STAC: variants seen among roughly 807,000 people sequenced by gnomAD.
STAC encodes SH3 and cysteine rich domain, also known as SH3 and cysteine-rich domain-containing protein.
Under a neutral mutation model 48.8 loss-of-function variants are expected in STAC, and 43 were observed. The observed-to-expected ratio is 0.88, with a 90% CI of 0.69 to 1.14. STAC has a LOEUF of 1.14. STAC is among the 50% of genes most tolerant of loss of function. The pLI, the probability that STAC is intolerant of heterozygous loss-of-function variation, is 0.00. For synonymous variants in STAC, 193 were observed against 179.5 expected, an observed-to-expected ratio of 1.07 and a Z score of -0.60; for missense variants, 497 against 504.0, an observed-to-expected ratio of 0.99 and a Z score of 0.13.
chr3:36,469,097 T>C (rs902261256), intron 2 of STAC, among the ~76,000 whole-genome samples: 8 of 152,300 alleles, frequency 5.3e-5, no homozygotes, highest in African/African-American at 1.9e-4. Flanking sequence ...TCAATGTTGG[T>C]ATTGAGATGT....
intron 8 of STAC, among the ~76,000 whole-genome samples, chr3:36,525,412 AGGGTCAAGTGCTG>A (rs1486479293): frequency 1.3e-5 from 2 of 152,166 alleles, no homozygotes; most frequent in Non-Finnish European, 2.9e-5. Flanking sequence ...TCAGTTAATG[AGGGTCAAGTGCTG>A]GGGACTGTCC....
chr3:36,381,162 A>G (rs1699502836), intron 1 of STAC, among the ~76,000 whole-genome samples: 1 of 152,146 alleles, frequency 6.6e-6, no homozygotes, highest in Non-Finnish European at 1.5e-5. Context: ...AAAAGCATGT[A>G]TGTATCCCAA....
At chr3:36,478,609 C>A (rs1484385971) in intron 2 of STAC, among the ~76,000 whole-genome samples, 1 of 152,136 alleles carries the variant, frequency 6.6e-6, no homozygotes, top group Non-Finnish European at 1.5e-5. Context: ...ATTCTCATGC[C>A]TCAGTCTCCC....
chr3:36,472,986 G>A (rs1300508911), intron 2 of STAC, among the ~76,000 whole-genome samples: 1 of 152,176 alleles, frequency 6.6e-6, no homozygotes, highest in Non-Finnish European at 1.5e-5. Context: ...TCATGCTGCT[G>A]ATAAAGACAT....
At chr3:36,515,376 T>A (rs975386399) in intron 8 of STAC, among the ~76,000 whole-genome samples, 2 of 152,070 alleles carry the variant, frequency 1.3e-5, no homozygotes, top group Non-Finnish European at 2.9e-5. Flanking sequence ...TTGCCAGGGT[T>A]GAGAATGTGC....
At chr3:36,407,631 GCT>G (rs879418652) in intron 1 of STAC, among the ~76,000 whole-genome samples, 4 of 152,178 alleles carry the variant, frequency 2.6e-5, no homozygotes, top group Non-Finnish European at 5.9e-5. Flanking sequence ...ATTGTATTTA[GCT>G]AAGGTAACAC....
intron 5 of STAC, among the ~76,000 whole-genome samples, chr3:36,492,005 GAAAAAAAAAAAAA>G (rs1178508885): frequency 1.6e-4 from 1 of 6,428 alleles, no homozygotes; most frequent in Non-Finnish European, 2.6e-4. Flanking sequence ...TCCATCTCAA[GAAAAAAAAAAAAA>G]AAAAAAAAAA....
chr3:36,505,002 A>T (rs986086307), intron 7 of STAC, among the ~76,000 whole-genome samples: 6 of 152,124 alleles, frequency 3.9e-5, no homozygotes, highest in South Asian at 2.1e-4. Context: ...TATAGCATTA[A>T]CATTTATTTG....
Position 36,443,466 on chromosome 3 carries a change from C to T in STAC, c.214C>T (p.Gln72Ter), listed in dbSNP as rs1409116924. The T allele has an allele frequency of 1.2e-6, 2 of 1,614,226 alleles. No homozygotes were observed. Among genetic ancestry groups the T allele is most frequent in the East Asian group, 2.2e-5 (1 of 44,876 alleles). ...QRTNSEDMKL[Q>*]AHMVAEISPS... ...AACCAACAGCGAAGACATGAAACTG[C>T]AAGCACACATGGTGGCTGAGATCAG... Residue 72 changes from glutamine (Q) to a stop codon, truncating the protein, a stop_gained, in exon 2 of 11, where the codon CAA becomes TAA. Coordinates refer to ENST00000273183, the MANE Select transcript of STAC (RefSeq NM_003149.3). LOFTEE classifies it high-confidence loss of function. This position sits in a 1 kb window ranked among gnomAD's most constrained non-coding sequence, Gnocchi z 4.2.
intron 1 of STAC, among the ~76,000 whole-genome samples, chr3:36,414,518 A>C (rs908064936): frequency 1.4e-4 from 22 of 152,124 alleles, no homozygotes; most frequent in African/African-American, 4.8e-4. Context: ...CATGGTTTTC[A>C]GCTCCATCAG....
intron 6 of STAC, among the ~76,000 whole-genome samples, chr3:36,494,177 AAG>A (rs1227164194): frequency 6.6e-6 from 1 of 151,410 alleles, no homozygotes; most frequent in East Asian, 1.9e-4. Context: ...AAAAAAAAGA[AAG>A]AGCCACCTCG....
At chr3:36,485,464 T>C (rs938395298) in intron 4 of STAC, among the ~76,000 whole-genome samples, 3 of 152,198 alleles carry the variant, frequency 2.0e-5, no homozygotes, top group Admixed American at 2.0e-4. Context: ...CTGCTTTTCA[T>C]AATTGCTATA....
intron 1 of STAC, among the ~76,000 whole-genome samples, chr3:36,436,946 C>A (rs991780967): frequency 2.0e-5 from 3 of 151,592 alleles, no homozygotes; most frequent in Non-Finnish European, 4.4e-5. Flanking sequence ...ACAAACAACC[C>A]CATCAAAAAG....
At chr3:36,404,683 G>T (rs1253135576) in intron 1 of STAC, among the ~76,000 whole-genome samples, 4 of 152,014 alleles carry the variant, frequency 2.6e-5, no homozygotes, top group African/African-American at 9.7e-5. Context: ...CCTATAATCT[G>T]ACATGAACAA....
intron 8 of STAC, among the ~76,000 whole-genome samples, chr3:36,526,273 C>A (rs1042262351): frequency 6.6e-6 from 1 of 152,104 alleles, no homozygotes; most frequent in Non-Finnish European, 1.5e-5. Flanking sequence ...TATTCATGCC[C>A]CTGTCATGGG....
At chr3:36,434,545 C>T (rs1700782876) in intron 1 of STAC, among the ~76,000 whole-genome samples, 1 of 152,170 alleles carries the variant, frequency 6.6e-6, no homozygotes. Flanking sequence ...AAGGAAATGT[C>T]TGTATAGTGG....
chr3:36,392,226 A>G (rs1403244971), intron 1 of STAC, among the ~76,000 whole-genome samples: 1 of 152,066 alleles, frequency 6.6e-6, no homozygotes, highest in East Asian at 1.9e-4. Flanking sequence ...CAACCTCCCT[A>G]CAGGTCGATA....
At chr3:36,456,243 A>G (rs1464508073) in intron 2 of STAC, among the ~76,000 whole-genome samples, 1 of 152,206 alleles carries the variant, frequency 6.6e-6, no homozygotes, top group Non-Finnish European at 1.5e-5. Context: ...CAAGAATCAC[A>G]TATAATTCAA....
chr3:36,444,068 A>G (rs1696437388), intron 2 of STAC, among the ~76,000 whole-genome samples: 1 of 152,210 alleles, frequency 6.6e-6, no homozygotes, highest in Non-Finnish European at 1.5e-5. Context: ...ATGGCCTGGA[A>G]GTCAGGGTTC....
Sources: gnomAD v4.1 joint callset for allele counts (sites outside exome capture counted in the v4.1 genomes callset) on GRCh38, gnomAD v4.1.1 for gene constraint, Gnocchi (gnomAD v3.1) non-coding constraint, MANE v1.5 for transcripts, NCBI Gene and HGNC (gene_info 2026-07-23, HGNC 2026-07-21) for gene names.